ZFP64: variants seen among roughly 807,000 people sequenced by gnomAD.
ZFP64 encodes the protein zinc finger protein 64.
In ZFP64, 14 loss-of-function variants were observed where a neutral mutation model predicts 51.6. That is an observed-to-expected ratio of 0.27 (90% CI 0.18 to 0.42). The LOEUF is 0.42. Among genes scored for constraint, ZFP64 ranks in the 10% least tolerant of loss-of-function variants. The pLI is 1.00. For synonymous variants in ZFP64, 375 were observed against 361.4 expected (o/e 1.04, Z -0.43); for missense variants, 754 against 906.8 (o/e 0.83, Z 2.16).
chr20:52,156,154 A>T (rs1041828500), intron 5 of ZFP64, among the ~76,000 whole-genome samples: 3 of 152,232 alleles, frequency 2.0e-5, no homozygotes, highest in African/African-American at 7.2e-5. Context: ...GAAGCAAATC[A>T]GTTGGGCGTC....
intron 2 of ZFP64, among the ~76,000 whole-genome samples, chr20:52,169,249 G>C (rs947260390): frequency 3.3e-5 from 5 of 152,194 alleles, no homozygotes; most frequent in Admixed American, 2.0e-4. Flanking sequence ...AATAGAACCA[G>C]ACTCTGGCAC....
intron 7 of ZFP64, among the ~76,000 whole-genome samples, chr20:52,089,844 G>A (rs932542060): frequency 6.6e-6 from 1 of 152,044 alleles, no homozygotes; most frequent in Admixed American, 6.6e-5. Flanking sequence ...CTATTCAAAT[G>A]TAATGTTGGT....
chr20:52,179,509 G>A (rs1426544980), intron 2 of ZFP64, among the ~76,000 whole-genome samples: 1 of 152,176 alleles, frequency 6.6e-6, no homozygotes, highest in Admixed American at 6.5e-5. Context: ...GTTGGGTGGT[G>A]GGAAAATAAG....
intron 5 of ZFP64, among the ~76,000 whole-genome samples, chr20:52,099,840 G>A (rs867318639): frequency 9.2e-5 from 14 of 152,266 alleles, no homozygotes; most frequent in Admixed American, 2.0e-4. Context: ...AGGTGAAATC[G>A]CTATTTTTGT....
chr20:52,179,949 C>T (rs1983496696), intron 2 of ZFP64, among the ~76,000 whole-genome samples: 3 of 152,200 alleles, frequency 2.0e-5, no homozygotes, highest in East Asian at 3.8e-4. Context: ...AGTAATGTCA[C>T]TCAGATTAAC....
chr20:52,165,563 T>C (rs2038429), intron 3 of ZFP64: 140,451 of 563,038 alleles, frequency 0.25, 18,616 homozygotes, highest in Admixed American at 0.35. Context: ...GGAAAGAAAA[T>C]TCTTACTGGA....
In ZFP64 at chr20:52,085,655, A is replaced by G. The variant is rs1244506527; in HGVS notation, c.1229-389T>C. Among the ~76,000 whole-genome samples, 1 of 152,204 alleles carries G rather than the reference A, an allele frequency of 6.6e-6. No homozygotes were observed. The highest frequency in any genetic ancestry group is 1.5e-5 in the Non-Finnish European group (1 of 68,040). ...TGGAAGAAGAGGTGAGATTTAAATT[A>G]CAAACAACTGCTTCAAATCAAGCTA... On this transcript the variant is annotated intron_variant, in intron 8 of 8. Transcript: ENST00000361387. The surrounding 1 kb of genome is among the most constrained non-coding windows in gnomAD (Gnocchi z 4.3).
intron 5 of ZFP64, among the ~76,000 whole-genome samples, chr20:52,116,880 G>A (rs1289558247): frequency 6.6e-6 from 1 of 152,074 alleles, no homozygotes; most frequent in African/African-American, 2.4e-5. Flanking sequence ...GACCTTCCTG[G>A]CCAACATGGT....
At chr20:52,110,762 C>A (rs1978518258) in intron 5 of ZFP64, 3 of 1,596,480 alleles carry the variant, frequency 1.9e-6, no homozygotes, top group Admixed American at 1.7e-5. Context: ...TCAAAGTCCC[C>A]CTCCCGGGAG....
chr20:52,089,445 C>G (rs1370802878), intron 7 of ZFP64, among the ~76,000 whole-genome samples: 1 of 152,130 alleles, frequency 6.6e-6, no homozygotes, highest in Non-Finnish European at 1.5e-5. Flanking sequence ...TGTACAACAT[C>G]AAGAGTGAAC....
exon 8 of ZFP64, chr20:52,088,438 G>A: frequency 1.2e-6 from 2 of 1,614,178 alleles, no homozygotes; most frequent in Non-Finnish European, 1.7e-6. Context: ...AGTTGCGGCT[G>A]GCATAGGGGC....
chr20:52,133,491 T>C (rs1204124650), intron 5 of ZFP64, among the ~76,000 whole-genome samples: 1 of 151,834 alleles, frequency 6.6e-6, no homozygotes, highest in Non-Finnish European at 1.5e-5. Flanking sequence ...CTATTAGAAC[T>C]GATAAACAAT....
At chr20:52,188,148 C>T (rs1267154568) in intron 1 of ZFP64, among the ~76,000 whole-genome samples, 1 of 151,982 alleles carries the variant, frequency 6.6e-6, no homozygotes, top group African/African-American at 2.4e-5. Flanking sequence ...GAGAAAAATG[C>T]CAAGATCCCT....
chr20:52,179,932 G>T (rs746533482), intron 2 of ZFP64, among the ~76,000 whole-genome samples: 1 of 152,178 alleles, frequency 6.6e-6, no homozygotes, highest in East Asian at 1.9e-4. Flanking sequence ...ACTTTAATAG[G>T]CAAAGAAGTA....
At chr20:52,104,261 C>T (rs573824170) in intron 5 of ZFP64, among the ~76,000 whole-genome samples, 1 of 152,310 alleles carries the variant, frequency 6.6e-6, no homozygotes, top group African/African-American at 2.4e-5. Context: ...GGGGGGATCC[C>T]TAACTTGCAG....
chr20:52,096,523 G>A (rs747293639), intron 7 of ZFP64, among the ~76,000 whole-genome samples: 4 of 152,160 alleles, frequency 2.6e-5, no homozygotes, highest in South Asian at 2.1e-4. Context: ...CAATATTCTC[G>A]CTCAAACATG....
chr20:52,112,119 C>T (rs1339609550), intron 5 of ZFP64, among the ~76,000 whole-genome samples: 1 of 149,920 alleles, frequency 6.7e-6, no homozygotes, highest in Non-Finnish European at 1.5e-5. Context: ...AAACAAGAAT[C>T]CCAGCTCCTG....
rs1981722996 is a variant in ZFP64 at position 52,160,756 on chromosome 20, C to T, written c.512-382G>A. Among the ~76,000 whole-genome samples, 1 of 152,090 alleles carries T rather than the reference C, an allele frequency of 6.6e-6. No individual in the cohort carries two copies. The highest frequency in any genetic ancestry group is 1.5e-5 in the Non-Finnish European group (1 of 68,028). On this transcript the variant is annotated intron_variant, in intron 4 of 5. Transcript: ENST00000216923. This position sits in a 1 kb window ranked among gnomAD's most constrained non-coding sequence, Gnocchi z 4.2. ...GAGATGCACCGTAAAATTTAGAATA[C>T]CTAAGTTTCAGCAGAGTTCATGGCT... is the stretch of plus-strand genomic sequence containing the variant.
downstream of ZFP64, among the ~76,000 whole-genome samples, chr20:52,149,776 T>TGC (rs1980699616): frequency 2.6e-5 from 4 of 152,194 alleles, no homozygotes; most frequent in African/African-American, 9.7e-5. Flanking sequence ...TATGTATGTG[T>TGC]ATGTATTATA....
Sources: gnomAD v4.1 joint callset for allele counts (sites outside exome capture counted in the v4.1 genomes callset) on GRCh38, gnomAD v4.1.1 for gene constraint, Gnocchi (gnomAD v3.1) non-coding constraint, MANE v1.5 for transcripts, NCBI Gene and HGNC (gene_info 2026-07-23, HGNC 2026-07-21) for gene names.